Variants in CDH13 observed in about 807,000 individuals in gnomAD.
CDH13 encodes the protein cadherin 13, also known as cadherin-13.
A neutral mutation model predicts 63.8 loss-of-function variants in CDH13; 24 were observed. The ratio of observed to expected loss-of-function variants is 0.38; its 90% CI spans 0.27 to 0.53. The LOEUF (loss-of-function observed/expected upper bound fraction) is 0.53, where lower values mean the gene tolerates loss of function less well. Among genes scored for constraint, CDH13 ranks in the 20% least tolerant of loss-of-function variants. CDH13 has a pLI of 0.85. For missense variants in CDH13, 1,049 were observed against 903.1 expected (o/e 1.16, Z -2.07); for synonymous variants, 503 against 355.3 (o/e 1.42, Z -4.67).
intron 6 of CDH13, among the ~76,000 whole-genome samples, chr16:83,371,038 G>A (rs972065509): frequency 2.0e-5 from 3 of 152,268 alleles, no homozygotes; most frequent in South Asian, 2.1e-4. Context: ...AACGAAACAG[G>A]TGCTGGCAAG....
chr16:83,308,570 A>G (rs59060185), intron 5 of CDH13, among the ~76,000 whole-genome samples: 4,231 of 152,310 alleles, frequency 0.028, 180 homozygotes, highest in African/African-American at 0.093. Flanking sequence ...CAACGTCACT[A>G]TTATTTTTAA....
At chr16:82,888,862 G>A (rs534038703) in intron 2 of CDH13, among the ~76,000 whole-genome samples, 3 of 152,286 alleles carry the variant, frequency 2.0e-5, no homozygotes, top group Admixed American at 6.5e-5. Flanking sequence ...TCTTGTGGCC[G>A]GTTATAAAAT....
intron 2 of CDH13, among the ~76,000 whole-genome samples, chr16:82,898,884 G>C (rs139699238): frequency 3.9e-5 from 6 of 152,352 alleles, no homozygotes; most frequent in Admixed American, 1.3e-4. Flanking sequence ...ATTTATTAAA[G>C]TGCTTGTTTA....
chr16:83,380,804 A>T (rs753302757), intron 6 of CDH13, among the ~76,000 whole-genome samples: 18 of 150,808 alleles, frequency 1.2e-4, no homozygotes, highest in Non-Finnish European at 2.2e-4. Flanking sequence ...AGAGAATATC[A>T]TGTTTCATTA....
At chr16:83,540,226 G>A (rs893187804) in intron 7 of CDH13, among the ~76,000 whole-genome samples, 5 of 151,950 alleles carry the variant, frequency 3.3e-5, no homozygotes, top group East Asian at 1.9e-4. Context: ...ATTGAGGGTC[G>A]TGATCAACTC....
At chr16:82,724,899 G>C (rs2033004871) in intron 1 of CDH13, among the ~76,000 whole-genome samples, 1 of 152,162 alleles carries the variant, frequency 6.6e-6, no homozygotes, top group Non-Finnish European at 1.5e-5. Flanking sequence ...CATTCTCTCT[G>C]TGACTCAGCT....
rs201996344 is a variant in CDH13 at position 83,232,556 on chromosome 16, A to AC, written c.636+15059_636+15060insC. On this transcript the variant is annotated intron_variant, in intron 5 of 13. Coordinates refer to ENST00000567109, the MANE Select transcript of CDH13 (RefSeq NM_001257.5). Reference sequence around the variant, plus strand: ...GACAACAACAACAACAAACAAACAAAAAAAAAAAAAAGTGTGGCACCTCCC... The same window carrying AC: ...GACAACAACAACAACAAACAAACAAACAAAAAAAAAAAGTGTGGCACCTCCC... 7.4e-3 allele frequency among the ~76,000 whole-genome samples: 1,111 copies of AC among 149,712 alleles called. 20 individuals are homozygous for AC. Among genetic ancestry groups the AC allele is most frequent in the African/African-American group, 0.024 (963 of 40,868 alleles).
intron 3 of CDH13, among the ~76,000 whole-genome samples, chr16:83,106,908 A>T (rs114441669): frequency 4.0e-5 from 5 of 124,926 alleles, no homozygotes; most frequent in Non-Finnish European, 5.2e-5. Context: ...TTTTTTTTTA[A>T]AAAAGTATAA....
At chr16:82,805,356 A>T (rs1295311502) in intron 1 of CDH13, among the ~76,000 whole-genome samples, 1 of 152,190 alleles carries the variant, frequency 6.6e-6, no homozygotes, top group Non-Finnish European at 1.5e-5. Context: ...TCATTTGATG[A>T]TTAGAAATTT....
intron 8 of CDH13, among the ~76,000 whole-genome samples, chr16:83,656,121 A>G (rs1912846358): frequency 6.6e-6 from 1 of 152,124 alleles, no homozygotes; most frequent in African/African-American, 2.4e-5. Context: ...TGGCAACCAT[A>G]AGTCTGTTTT....
intron 1 of CDH13, among the ~76,000 whole-genome samples, chr16:82,794,868 C>CT (rs2036505613): frequency 6.6e-6 from 1 of 152,156 alleles, no homozygotes; most frequent in African/African-American, 2.4e-5. Context: ...ATATAAACCC[C>CT]TTTTACCTCC....
At chr16:82,706,707 G>T (rs1438737872) in intron 1 of CDH13, among the ~76,000 whole-genome samples, 4 of 151,814 alleles carry the variant, frequency 2.6e-5, no homozygotes, top group Non-Finnish European at 4.4e-5. Context: ...GGAAGGCTAA[G>T]AAAGGAGAAT....
chr16:83,334,835 A>T (rs1248289762), intron 5 of CDH13, among the ~76,000 whole-genome samples: 1 of 152,178 alleles, frequency 6.6e-6, no homozygotes, highest in African/African-American at 2.4e-5. Context: ...GGATATGTAG[A>T]TAGAGTACTC....
intron 6 of CDH13, among the ~76,000 whole-genome samples, chr16:83,462,591 A>T (rs955903288): frequency 6.6e-6 from 1 of 152,182 alleles, no homozygotes; most frequent in Admixed American, 6.5e-5. Context: ...TCTCTATTAA[A>T]AATACAAAAA....
Position 83,619,892 on chromosome 16 carries a change from A to T in CDH13, c.1101+17298A>T, listed in dbSNP as rs73591708. 1.9e-4 allele frequency among the ~76,000 whole-genome samples: 29 copies of T among 152,248 alleles called. No homozygotes were observed. The East Asian group carries it at 5.4e-3, about 28-fold the overall frequency. On this transcript the variant is annotated intron_variant, in intron 8 of 13. Coordinates refer to ENST00000567109, the MANE Select transcript of CDH13 (RefSeq NM_001257.5). Reference sequence around the variant, plus strand: ...AGTGACACAGAAGTGGAGGATGCAGATGGAAGCGTCCGTGGGAAGACCCCG... The same window carrying T: ...AGTGACACAGAAGTGGAGGATGCAGTTGGAAGCGTCCGTGGGAAGACCCCG...
At chr16:83,769,793 A>G (rs1035187501) in intron 11 of CDH13, among the ~76,000 whole-genome samples, 4 of 152,064 alleles carry the variant, frequency 2.6e-5, no homozygotes, top group African/African-American at 9.7e-5. Context: ...CACGTAGATG[A>G]CCTTGCCTTG....
chr16:82,933,926 G>T (rs556592951), intron 2 of CDH13, among the ~76,000 whole-genome samples: 1 of 152,222 alleles, frequency 6.6e-6, no homozygotes, highest in Non-Finnish European at 1.5e-5. Flanking sequence ...GCTTTGCAGG[G>T]TACAGCCCTC....
At chr16:82,749,093 T>G (rs879826968) in intron 1 of CDH13, among the ~76,000 whole-genome samples, 9 of 146,836 alleles carry the variant, frequency 6.1e-5, no homozygotes, top group Non-Finnish European at 8.9e-5. Context: ...TGGGGTCCAA[T>G]TTTTTTTTCA....
chr16:82,637,597 A>ATT (rs34337263), intron 1 of CDH13: 5,579 of 144,502 alleles, frequency 0.039, 150 homozygotes, highest in Non-Finnish European at 0.053. Flanking sequence ...CGCCCGGCTA[A>ATT]TTTTTTTTTT....
Sources: allele counts gnomAD v4.1 joint callset (sites outside exome capture counted in the v4.1 genomes callset), GRCh38; gene constraint gnomAD v4.1.1; transcripts MANE v1.5; gene names NCBI Gene and HGNC (gene_info 2026-07-23, HGNC 2026-07-21).